The following ZIC5 variants were observed in gnomAD, a reference collection of about 807,000 sequenced individuals.
ZIC5 encodes the protein zinc finger protein ZIC 5.
Under a neutral mutation model 28.5 loss-of-function variants are expected in ZIC5, and 20 were observed. The observed-to-expected ratio is 0.70, with a 90% confidence interval of 0.49 to 1.02. The LOEUF is 1.02. Ranked by LOEUF, ZIC5 falls within the 50% of genes least tolerant of loss-of-function variation. The pLI is 0.00. For synonymous variants in ZIC5, 488 were observed against 410.4 expected (o/e 1.19, Z -2.29); for missense variants, 951 against 899.7 (o/e 1.06, Z -0.73).
Position 99,970,413 on chromosome 13 carries a change from TGGCGGCGGCGGCGGC to T in ZIC5, c.1176_1190del (p.Pro396_Pro400del), listed in dbSNP as rs71114653. The T allele has an allele frequency of 0.01, 11,144 of 1,106,574 alleles. 1,047 individuals carry two copies. Among genetic ancestry groups the T allele is most frequent in the Middle Eastern group, 0.013 (39 of 2,978 alleles). The allele number at this position is 1,106,574 out of a possible 1,614,324, so 68.5% of individuals were successfully genotyped here. A position where few individuals can be genotyped will look rare whatever the true frequency, so the allele number is the denominator to read the frequency against. On this transcript the variant is annotated inframe_deletion, in exon 1 of 2. Coordinates refer to ENST00000267294, the MANE Select transcript of ZIC5 (RefSeq NM_033132.5). ...GCTTGGCGCCGCCGGCCGGGGGCGGTGGCGGCGGCGGCGGCGGCGGCGGCGGCGGCGGCGGCAGCC... is the reference window on the plus strand; with the variant it reads ...GCTTGGCGCCGCCGGCCGGGGGCGGTGGCGGCGGCGGCGGCGGCGGCAGCC...
rs1221997243 is a variant in ZIC5 at position 99,965,707 on chromosome 13, C to T, written c.1590G>A (p.Lys530=). Residue 530 remains lysine, a synonymous_variant, in exon 2 of 2, where the codon AAG becomes AAA. Coordinates refer to ENST00000267294, the MANE Select transcript of ZIC5 (RefSeq NM_033132.5). ...VHTSDKPYYC[K]IRGCDKSYTH... is the part of the protein sequence containing the mutation. ...TGTAGGATTTGTCACAGCCTCGAATCTTGCAGTAGTAGGGCTTGTCACTGG... is the reference window on the plus strand; with the variant it reads ...TGTAGGATTTGTCACAGCCTCGAATTTTGCAGTAGTAGGGCTTGTCACTGG... 4.3e-6 allele frequency: 7 copies of T among 1,614,074 alleles called. No individual in the cohort carries two copies. The highest frequency in any genetic ancestry group is 5.9e-6 in the Non-Finnish European group (7 of 1,180,056).
Position 99,963,922 on chromosome 13 carries a change from G to A in ZIC5, c.*1455C>T, listed in dbSNP as rs1175669350. 2 of 152,396 alleles carry A rather than the reference G, an allele frequency of 1.3e-5. No homozygotes were observed. Among genetic ancestry groups the A allele is most frequent in the African/African-American group, 4.8e-5 (2 of 41,426 alleles). The allele number at this position is 152,396 out of a possible 1,614,324, so 9.4% of individuals were successfully genotyped here. On this transcript the variant is annotated 3_prime_UTR_variant, in exon 2 of 2. Transcript: ENST00000267294. The stretch of plus-strand genomic sequence containing the variant: ...GAGGGGGTGTCTTCGGGGTCTCTAA[G>A]GATAAATTAGTGCTCTTTAGTGTAT...
Position 99,971,460 on chromosome 13 carries a change from G to C in ZIC5, c.144C>G (p.Val48=). 1 of 1,547,568 alleles carries C rather than the reference G, an allele frequency of 6.5e-7. No individual in the cohort carries two copies. Among genetic ancestry groups the C allele is most frequent in the African/African-American group, 1.4e-5 (1 of 73,102 alleles). ...PPAHSQLRAA[V]AHLRLRDLGA... ...CCAGGTCCCGCAGGCGGAGGTGCGC[G>C]ACGGCGGCCCGGAGTTGGGAGTGGG... The change falls in exon 1 of 2, where the codon GTC becomes GTG. Residue 48 remains valine, a synonymous_variant. Coordinates refer to ENST00000267294, the MANE Select transcript of ZIC5 (RefSeq NM_033132.5).
In ZIC5 at chr13:99,971,663, C is replaced by T. The variant is rs913827373; in HGVS notation, c.-60G>A. The T allele has an allele frequency of 3.2e-6, 5 of 1,556,616 alleles. No homozygotes were observed. The African/African-American group carries it at 6.8e-5, about 21-fold the overall frequency. On this transcript the variant is annotated 5_prime_UTR_variant, in exon 1 of 2. Coordinates refer to ENST00000267294, the MANE Select transcript of ZIC5 (RefSeq NM_033132.5). Reference sequence around the variant, plus strand: ...GGGGGGACTTTATTCCCTCTGCCCGCCTTCAAAAACATGTATGTATTGGGC... The same window carrying T: ...GGGGGGACTTTATTCCCTCTGCCCGTCTTCAAAAACATGTATGTATTGGGC...
At chr13:99,970,029 T>G in intron 1 of ZIC5, 98 bp downstream of exon 1, 2 of 1,556,986 alleles carry the variant, frequency 1.3e-6, no homozygotes. Context: ...AGAAAAAAAT[T>G]AAGGCGAGCA....
rs1295573213 is a variant in ZIC5, at chr13:99,971,270, A to G, written c.334T>C (p.Tyr112His). The G allele has an allele frequency of 1.3e-5, 18 of 1,340,248 alleles. No homozygotes were observed. Among genetic ancestry groups the G allele is most frequent in the Non-Finnish European group, 1.6e-5 (17 of 1,055,002 alleles). The allele number at this position is 1,340,248 out of a possible 1,614,324, so 83.0% of individuals were successfully genotyped here. A position where few individuals can be genotyped will look rare whatever the true frequency, so the allele number is the denominator to read the frequency against. ...ALVAHPGAGS[Y>H]PCGGGSSGAQ... is the part of the protein sequence containing the mutation. Reference sequence around the variant, plus strand: ...CCACTGCTGCCCCCGCCGCAGGGGTAGCTGCCCGCGCCGGGGTGCGCGACC... The same window carrying G: ...CCACTGCTGCCCCCGCCGCAGGGGTGGCTGCCCGCGCCGGGGTGCGCGACC... Residue 112 changes from tyrosine to histidine, a missense_variant, in exon 1 of 2, where the codon TAC becomes CAC. This residue lies in a region of ZIC5 where 784 missense variants were observed against 660.1 expected (regional missense o/e 1.19). Coordinates refer to ENST00000267294, the MANE Select transcript of ZIC5 (RefSeq NM_033132.5).
rs1264336957 is a variant in ZIC5, at chr13:99,965,752, C to T, written c.1545G>A (p.Lys515=). The T allele has an allele frequency of 6.2e-7, 1 of 1,614,054 alleles. No homozygotes were observed. Among genetic ancestry groups the T allele is most frequent in the Non-Finnish European group, 8.5e-7 (1 of 1,180,032 alleles). Residue 515 remains lysine, a synonymous_variant, in exon 2 of 2, where the codon AAG becomes AAA. Coordinates refer to ENST00000267294, the MANE Select transcript of ZIC5 (RefSeq NM_033132.5). The part of the protein sequence containing the change: ...DRKFANSSDR[K]KHSHVHTSDK... ...CACTGGTGTGGACATGGGAATGTTTCTTCCGATCACTGCTATTGGCAAACT... is the reference window on the plus strand; with the variant it reads ...CACTGGTGTGGACATGGGAATGTTTTTTCCGATCACTGCTATTGGCAAACT...
At chr13:99,969,840 C>G (rs2053132656) in intron 1 of ZIC5, among the ~76,000 whole-genome samples, 1 of 143,044 alleles carries the variant, frequency 7.0e-6, no homozygotes, top group African/African-American at 2.6e-5. Flanking sequence ...GGCTGGCGCG[C>G]GTTGCGGGTC....
In ZIC5 at chr13:99,970,441, G is replaced by GGCGGCA. The variant is rs763492783; in HGVS notation, c.1162_1163insTGCCGC (p.Pro387_Pro388insLeuPro). 9.1e-5 allele frequency: 95 copies of GGCGGCA among 1,039,566 alleles called. No individual in the cohort carries two copies. The African/African-American group carries it at 1.5e-3, about 16-fold the overall frequency. The allele number at this position is 1,039,566 out of a possible 1,614,324, so 64.4% of individuals were successfully genotyped here. A position where few individuals can be genotyped will look rare whatever the true frequency, so the allele number is the denominator to read the frequency against. Reference sequence around the variant, plus strand: ...CGGCGGCGGCGGCGGCGGCGGCGGCGGCGGCGGCAGCCCGGCCAGCTCGTC... The same window carrying GGCGGCA: ...CGGCGGCGGCGGCGGCGGCGGCGGCGGCGGCAGCGGCGGCAGCCCGGCCAGCTCGTC... On this transcript the variant is annotated inframe_insertion, in exon 1 of 2. Transcript: ENST00000267294.
In ZIC5 at chr13:99,971,346, C is replaced by A; in HGVS notation, c.258G>T (p.Ala86=). ...STLGLSPPSQ[A]FPAHPEAPAA... ...CCGGAGCCTCCGGGTGTGCCGGGAA[C>A]GCCTGGGAGGGAGGGCTGAGGCCCA... Residue 86 remains alanine (A), a synonymous_variant, in exon 1 of 2, where the codon GCG becomes GCT. Coordinates refer to ENST00000267294, the MANE Select transcript of ZIC5 (RefSeq NM_033132.5). The A allele has an allele frequency of 5.6e-6, 8 of 1,419,156 alleles. 1 individual carries two copies. The highest frequency in any genetic ancestry group is 1.5e-5 in the African/African-American group (1 of 66,122). 87.9% of individuals were successfully genotyped at this position (1,419,156 alleles called of 1,614,324 possible). A position where few individuals can be genotyped will look rare whatever the true frequency, so the allele number is the denominator to read the frequency against.
At position 99,970,957 on chromosome 13, in the gene ZIC5, A is replaced by G. The variant is rs1171100447; in HGVS notation, c.647T>C (p.Met216Thr). The G allele has an allele frequency of 7.2e-7, 1 of 1,398,020 alleles. No homozygotes were observed. The highest frequency in any genetic ancestry group is 9.2e-7 in the Non-Finnish European group (1 of 1,087,680). 86.6% of individuals were successfully genotyped at this position (1,398,020 alleles called of 1,614,324 possible). A position where few individuals can be genotyped will look rare whatever the true frequency, so the allele number is the denominator to read the frequency against. The change falls in exon 1 of 2, where the codon ATG becomes ACG. Residue 216 changes from methionine (M) to threonine (T), a missense_variant. By Grantham distance (81) the Met-to-Thr change is moderately conservative. Around this residue, in one of 3 missense-constraint regions of ZIC5, gnomAD observed 784 missense variants for 660.1 expected, o/e 1.19. Transcript: ENST00000267294. ...HPAPPPHSAG[M>T]FISASGTYAG... ...GTAGGTGCCGCTGGCGGAGATGAAC[A>G]TGCCGGCCGAGTGGGGAGGCGGGGC...
In ZIC5 at chr13:99,964,107, T is replaced by C. The variant is rs1158651246; in HGVS notation, c.*1270A>G. The C allele has an allele frequency of 6.6e-6, 1 of 152,564 alleles. No homozygotes were observed. The highest frequency in any genetic ancestry group is 2.4e-5 in the African/African-American group (1 of 41,462). The allele number at this position is 152,564 out of a possible 1,614,324, so 9.5% of individuals were successfully genotyped here. On this transcript the variant is annotated 3_prime_UTR_variant, in exon 2 of 2. Coordinates refer to ENST00000267294, the MANE Select transcript of ZIC5 (RefSeq NM_033132.5). Reference sequence around the variant, plus strand: ...ACATTCATCAGTGTTTGGTGGTAACTATAAACCTTTTAAAAATTTTTAATA... The same window carrying C: ...ACATTCATCAGTGTTTGGTGGTAACCATAAACCTTTTAAAAATTTTTAATA...
chr13:99,970,731 C>A lies in ZIC5; in HGVS notation c.873G>T (p.Ala291=). 8.4e-7 allele frequency: 1 copy of A among 1,196,642 alleles called. No individual in the cohort carries two copies. The highest frequency in any genetic ancestry group is 2.4e-5 in the South Asian group (1 of 40,966). 74.1% of individuals were successfully genotyped at this position (1,196,642 alleles called of 1,614,324 possible). The change falls in exon 1 of 2, where the codon GCG becomes GCT. Residue 291 remains alanine (A), a synonymous_variant. Coordinates refer to ENST00000267294, the MANE Select transcript of ZIC5 (RefSeq NM_033132.5). ...GGGCGGCCGCCGCTGCGGCCGCAAC[C>A]GCCCCGTAGTGCGCGTCCCCAGAGC... The part of the protein sequence containing the change: ...APRSGDAHYG[A]VAAAAAAALH...
chr13:99,964,151 CCT>C lies in ZIC5; in HGVS notation c.*1224_*1225del, dbSNP rs1340464579. 6.6e-6 allele frequency: 1 copy of C among 152,282 alleles called. No homozygotes were observed. The highest frequency in any genetic ancestry group is 1.5e-5 in the Non-Finnish European group (1 of 68,042). 9.4% of individuals were successfully genotyped at this position (152,282 alleles called of 1,614,324 possible). A position where few individuals can be genotyped will look rare whatever the true frequency, so the allele number is the denominator to read the frequency against. ...TTTAATATGTATGGCAACTCCCTCC[CCT>C]CTTTTAATGTAAATCATACACTTCA... On this transcript the variant is annotated 3_prime_UTR_variant, in exon 2 of 2. Transcript: ENST00000267294.
At chr13:99,967,781 GAGAAAACAGA>G (rs2053111122) in intron 1 of ZIC5, among the ~76,000 whole-genome samples, 1 of 152,226 alleles carries the variant, frequency 6.6e-6, no homozygotes, top group African/African-American at 2.4e-5. Context: ...GAGGTGCACG[GAGAAAACAGA>G]AGAAAACAAG....
intron 1 of ZIC5, among the ~76,000 whole-genome samples, 172 bp downstream of exon 1, chr13:99,969,955 G>A (rs898466118): frequency 6.6e-6 from 1 of 152,102 alleles, no homozygotes; most frequent in African/African-American, 2.4e-5. Flanking sequence ...AAAAAAGGGG[G>A]GGAGAGAAAA....
Position 99,970,138 on chromosome 13 carries a change from C to T in ZIC5, c.1466G>A (p.Arg489His). The T allele has an allele frequency of 1.2e-6, 2 of 1,603,758 alleles. No homozygotes were observed. The highest frequency in any genetic ancestry group is 1.1e-5 in the South Asian group (1 of 90,572). ...GGACAGACACCCACCTGTATGAGTA[C>T]GCTTGTGGATCTTGAGGTTCTCGGA... Reference protein sequence around the residue: ...ARSENLKIHKRTHTGEKPFKC... With the variant: ...ARSENLKIHKHTHTGEKPFKC... The change falls in exon 1 of 2, where the codon CGT becomes CAT. Residue 489 changes from arginine to histidine, a missense_variant. Coordinates refer to ENST00000267294, the MANE Select transcript of ZIC5 (RefSeq NM_033132.5).
chr13:99,970,096 G>A (rs747131178), intron 1 of ZIC5, 31 bp downstream of exon 1: 7 of 1,607,462 alleles, frequency 4.4e-6, no homozygotes, highest in African/African-American at 4.0e-5. Context: ...TGGTGGCGGC[G>A]GCGGCGGCGC....
rs1011849668 is a variant in ZIC5 at position 99,964,920 on chromosome 13, G to C, written c.*457C>G. 3 of 151,634 alleles carry C rather than the reference G, an allele frequency of 2.0e-5. No homozygotes were observed. Among genetic ancestry groups the C allele is most frequent in the Non-Finnish European group, 2.9e-5 (2 of 67,908 alleles). The allele number at this position is 151,634 out of a possible 1,614,324, so 9.4% of individuals were successfully genotyped here. A position where few individuals can be genotyped will look rare whatever the true frequency, so the allele number is the denominator to read the frequency against. ...CCATGGTATGGTGTCAAAGGCATTT[G>C]AGAGGCACTCTGGGAAATGCAGAGG... On this transcript the variant is annotated 3_prime_UTR_variant, in exon 2 of 2. Coordinates refer to ENST00000267294, the MANE Select transcript of ZIC5 (RefSeq NM_033132.5).
Sources: gnomAD v4.1 joint callset for allele counts (sites outside exome capture counted in the v4.1 genomes callset) on GRCh38, gnomAD v4.1.1 for gene constraint, gnomAD v4.1.1 regional missense constraint, MANE v1.5 for transcripts, NCBI Gene and HGNC (gene_info 2026-07-23, HGNC 2026-07-21) for gene names.